The following SYNDIG1L variants were observed in gnomAD, a reference collection of about 807,000 sequenced individuals.
The protein encoded by SYNDIG1L is synapse differentiation inducing 1 like, also known as synapse differentiation-inducing gene protein 1-like.
In SYNDIG1L, 13 loss-of-function variants were observed where a neutral mutation model predicts 20.1. The observed-to-expected ratio is 0.65, with a 90% CI of 0.42 to 1.03. The LOEUF is 1.03. SYNDIG1L is among the 50% of genes least tolerant of loss of function. The pLI, the probability that SYNDIG1L is intolerant of heterozygous loss-of-function variation, is 0.00. For synonymous variants in SYNDIG1L, 128 were observed against 129.3 expected (o/e 0.99, Z 0.07); for missense variants, 294 against 305.1 (o/e 0.96, Z 0.27).
the SYNDIG1L span, among the ~76,000 whole-genome samples, chr14:74,448,363 T>C: frequency 2.0e-5 from 3 of 152,092 alleles, no homozygotes; most frequent in Non-Finnish European, 4.4e-5. Context: ...CTGAAATCTA[T>C]CAAGCAGATT....
chr14:74,444,757 AAAAAC>A, the SYNDIG1L span, among the ~76,000 whole-genome samples: 1 of 152,084 alleles, frequency 6.6e-6, no homozygotes, highest in Non-Finnish European at 1.5e-5. Flanking sequence ...CCTGTCTCAA[AAAAAC>A]AAAACAAAAC....
chr14:74,442,298 T>C, the SYNDIG1L span, among the ~76,000 whole-genome samples: 1 of 152,124 alleles, frequency 6.6e-6, no homozygotes, highest in African/African-American at 2.4e-5. Flanking sequence ...CTGTGACAAG[T>C]GCTACCGCAA....
the SYNDIG1L span, among the ~76,000 whole-genome samples, chr14:74,447,408 G>A: frequency 6.6e-6 from 1 of 152,110 alleles, no homozygotes; most frequent in East Asian, 1.9e-4. Context: ...CCAACATGGT[G>A]AAACCCCGTG....
At chr14:74,438,793 C>T in the SYNDIG1L span, among the ~76,000 whole-genome samples, 2 of 152,154 alleles carry the variant, frequency 1.3e-5, no homozygotes, top group Non-Finnish European at 2.9e-5. Flanking sequence ...CTACCTGCCA[C>T]GTTCTGTACA....
At chr14:74,452,046 T>C in the SYNDIG1L span, among the ~76,000 whole-genome samples, 1,458 of 137,036 alleles carry the variant, frequency 0.011, 28 homozygotes, top group African/African-American at 0.036. Context: ...AACAAACAAC[T>C]CATGTTTTTT....
chr14:74,431,983 G>A, the SYNDIG1L span, among the ~76,000 whole-genome samples: 2,817 of 152,188 alleles, frequency 0.019, 83 homozygotes, highest in African/African-American at 0.065. Context: ...GTGAGGGAGG[G>A]AGGAGCACTG....
At chr14:74,463,069 T>C in the SYNDIG1L span, among the ~76,000 whole-genome samples, 2 of 152,230 alleles carry the variant, frequency 1.3e-5, no homozygotes, top group African/African-American at 4.8e-5. Flanking sequence ...GCCGGACTTC[T>C]TGAGAGAGTC....
At chr14:74,457,782 C>T in the SYNDIG1L span, among the ~76,000 whole-genome samples, 1 of 151,906 alleles carries the variant, frequency 6.6e-6, no homozygotes, top group African/African-American at 2.4e-5. Context: ...TCTGCTGTTT[C>T]CCACAGAGGC....
chr14:74,418,961 A>G (rs2086199403), intron 1 of SYNDIG1L, among the ~76,000 whole-genome samples: 1 of 152,226 alleles, frequency 6.6e-6, no homozygotes, highest in Non-Finnish European at 1.5e-5. Flanking sequence ...GTCGTGAAGT[A>G]TAATAAAATG....
intron 1 of SYNDIG1L, among the ~76,000 whole-genome samples, chr14:74,423,575 A>G (rs1441464769): frequency 1.3e-5 from 2 of 152,170 alleles, no homozygotes; most frequent in Non-Finnish European, 2.9e-5. Flanking sequence ...GGTCACTGGC[A>G]TGGTTTACTC....
Position 74,409,425 on chromosome 14 carries a change from CCTGTGGG to C in SYNDIG1L, c.313_319del (p.Pro105AspfsTer103). On this transcript the variant is annotated frameshift_variant, in exon 2 of 4. Transcript: ENST00000331628. LOFTEE classifies it high-confidence loss of function. ...GACATTCTCTGCAGCTTGGCCAGGT[CCTGTGGG>C]CTGCTCTGGAGGCCCCTCCTGGGGC... The C allele has an allele frequency of 6.2e-7, 1 of 1,613,826 alleles. No individual in the cohort carries two copies. The highest frequency in any genetic ancestry group is 2.2e-5 in the East Asian group (1 of 44,864).
the SYNDIG1L span, among the ~76,000 whole-genome samples, chr14:74,437,300 A>C: frequency 1.3e-5 from 2 of 152,190 alleles, no homozygotes; most frequent in Non-Finnish European, 2.9e-5. Context: ...ACCTCACTGT[A>C]GCCCCTCTTT....
chr14:74,428,680 C>T (rs897483511), upstream of SYNDIG1L, among the ~76,000 whole-genome samples: 1 of 152,174 alleles, frequency 6.6e-6, no homozygotes, highest in Non-Finnish European at 1.5e-5. Flanking sequence ...ATGAGACAGT[C>T]ACCAGGCAGG....
the SYNDIG1L span, among the ~76,000 whole-genome samples, chr14:74,472,920 G>A: frequency 1.3e-5 from 2 of 152,148 alleles, no homozygotes; most frequent in African/African-American, 4.8e-5. Context: ...GTCAGAGGAG[G>A]GGGGCGGAAT....
At chr14:74,421,659 C>T (rs2086222424) in intron 1 of SYNDIG1L, among the ~76,000 whole-genome samples, 1 of 152,106 alleles carries the variant, frequency 6.6e-6, no homozygotes. Flanking sequence ...AGAAATTCTG[C>T]CTGGCTGCTG....
intron 1 of SYNDIG1L, among the ~76,000 whole-genome samples, chr14:74,413,933 A>G (rs972195999): frequency 1.3e-5 from 2 of 152,228 alleles, no homozygotes; most frequent in Non-Finnish European, 2.9e-5. Context: ...TACTAGGGCC[A>G]CATGGGGAGT....
the SYNDIG1L span, among the ~76,000 whole-genome samples, chr14:74,449,544 T>G: frequency 1.4e-5 from 2 of 145,470 alleles, no homozygotes; most frequent in Admixed American, 1.4e-4. Context: ...CCCAGGAGTT[T>G]GAGGCTGCAG....
At chr14:74,479,228 G>A in the SYNDIG1L span, 1 of 152,228 alleles carries the variant, frequency 6.6e-6, no homozygotes, top group East Asian at 1.9e-4. Flanking sequence ...TCCCCTGGTG[G>A]TTTTCCTGGG....
chr14:74,451,714 G>A, the SYNDIG1L span, among the ~76,000 whole-genome samples: 232 of 152,132 alleles, frequency 1.5e-3, 11 homozygotes, highest in Non-Finnish European at 4.7e-4. Context: ...TCTGTAGGCC[G>A]GGTACGGTGG....
Sources: gnomAD v4.1 joint callset for allele counts (sites outside exome capture counted in the v4.1 genomes callset) on GRCh38, gnomAD v4.1.1 for gene constraint, MANE v1.5 for transcripts, NCBI Gene and HGNC (gene_info 2026-07-23, HGNC 2026-07-21) for gene names.